Variants in RUNX1T1 observed in about 807,000 individuals in gnomAD.
The protein encoded by RUNX1T1 is RUNX1 partner transcriptional co-repressor 1.
A neutral mutation model predicts 62.8 loss-of-function variants in RUNX1T1; 4 were observed. The ratio of observed to expected loss-of-function variants is 0.06; its 90% CI spans 0.03 to 0.15. RUNX1T1 has a LOEUF of 0.15. RUNX1T1 is among the 10% of genes least tolerant of loss of function. The pLI, the probability that RUNX1T1 is intolerant of heterozygous loss-of-function variation, is 1.00. For synonymous variants in RUNX1T1, 291 were observed against 286.0 expected (o/e 1.02, Z -0.18); for missense variants, 508 against 754.3 (o/e 0.67, Z 3.82).
chr8:92,000,048 G>A (rs1056972182), intron 5 of RUNX1T1, among the ~76,000 whole-genome samples: 6 of 152,104 alleles, frequency 3.9e-5, no homozygotes, highest in African/African-American at 1.4e-4. Context: ...GCTCATGCCT[G>A]TAATCCCAGC....
exon 6 of RUNX1T1, chr8:91,991,684 G>C (rs1469295205): frequency 6.2e-7 from 1 of 1,614,064 alleles, no homozygotes; most frequent in South Asian, 1.1e-5. Flanking sequence ...CTGGGGTGTC[G>C]ATAGGAGTCC....
At chr8:91,970,241 C>T (rs954938411) in intron 10 of RUNX1T1, among the ~76,000 whole-genome samples, 1 of 152,120 alleles carries the variant, frequency 6.6e-6, no homozygotes, top group East Asian at 1.9e-4. Context: ...GGACCAATAG[C>T]TAAGGCAGTG....
At chr8:92,031,862 C>G (rs982311740) in intron 1 of RUNX1T1, among the ~76,000 whole-genome samples, 6 of 151,854 alleles carry the variant, frequency 4.0e-5, no homozygotes, top group Admixed American at 1.3e-4. Flanking sequence ...GAGGCTGAGG[C>G]GGGCGGGTCA....
chr8:92,081,483 GC>G (rs1835253624), intron 1 of RUNX1T1, among the ~76,000 whole-genome samples: 2 of 149,314 alleles, frequency 1.3e-5, no homozygotes, highest in Admixed American at 1.3e-4. Flanking sequence ...TAAGCTGCAG[GC>G]TCTAAAACAT....
chr8:92,084,464 C>T (rs1445219528), intron 1 of RUNX1T1, among the ~76,000 whole-genome samples: 1 of 152,124 alleles, frequency 6.6e-6, no homozygotes, highest in Non-Finnish European at 1.5e-5. Flanking sequence ...GCTGTTGGAA[C>T]CAAAGATTTC....
At chr8:91,983,915 C>T (rs2920465) in intron 8 of RUNX1T1, among the ~76,000 whole-genome samples, 40,126 of 152,074 alleles carry the variant, frequency 0.26, 6,024 homozygotes, top group African/African-American at 0.41. Flanking sequence ...AAAAGCACTA[C>T]TGGATGCTAA....
In RUNX1T1 at chr8:92,062,785, A is replaced by G. The variant is rs964430161; in HGVS notation, c.-233T>C. 6.0e-6 allele frequency: 9 copies of G among 1,494,840 alleles called. No homozygotes were observed. In the African/African-American group the frequency reaches 6.9e-5, roughly 12 times the overall value. The allele number at this position is 1,494,840 out of a possible 1,614,324, so 92.6% of individuals were successfully genotyped here. A position where few individuals can be genotyped will look rare whatever the true frequency, so the allele number is the denominator to read the frequency against. ...CAGAAATGTGGAGGATGACAGGAGC[A>G]CATGTGGCCTTGAACCCAGCCCTGT... On this transcript the variant is annotated 5_prime_UTR_variant, in exon 1 of 11. Transcript: ENST00000396218.
upstream of RUNX1T1, chr8:92,103,284 C>G: frequency 1.3e-5 from 3 of 224,012 alleles, no homozygotes; most frequent in East Asian, 2.0e-4. Context: ...CTCGCCCGCC[C>G]TCGCTCACTC....
intron 1 of RUNX1T1, among the ~76,000 whole-genome samples, chr8:92,077,095 T>C (rs528696299): frequency 2.0e-5 from 3 of 152,240 alleles, no homozygotes; most frequent in African/African-American, 7.2e-5. Flanking sequence ...CATATTCTGA[T>C]GTAAATAAAA....
intron 10 of RUNX1T1, among the ~76,000 whole-genome samples, chr8:91,965,477 C>T (rs992012015): frequency 6.6e-6 from 1 of 152,130 alleles, no homozygotes; most frequent in Admixed American, 6.6e-5. Context: ...TCTCATGCTG[C>T]CCCTTGTGAG....
chr8:91,968,140 G>A (rs957811353), intron 10 of RUNX1T1, among the ~76,000 whole-genome samples: 1 of 152,066 alleles, frequency 6.6e-6, no homozygotes, highest in South Asian at 2.1e-4. Flanking sequence ...GGACTTCTGG[G>A]TCCTCCTCTC....
At chr8:91,994,312 T>C (rs1818267743) in intron 5 of RUNX1T1, among the ~76,000 whole-genome samples, 1 of 152,258 alleles carries the variant, frequency 6.6e-6, no homozygotes, top group African/African-American at 2.4e-5. Flanking sequence ...TGAAACATTC[T>C]AGATACTGAT....
intron 10 of RUNX1T1, among the ~76,000 whole-genome samples, chr8:91,965,482 T>A (rs917760886): frequency 2.6e-5 from 4 of 152,160 alleles, no homozygotes; most frequent in Admixed American, 2.6e-4. Flanking sequence ...TGCTGCCCCT[T>A]GTGAGATCTT....
At chr8:92,044,282 A>G (rs1478379478) in intron 1 of RUNX1T1, among the ~76,000 whole-genome samples, 1 of 152,316 alleles carries the variant, frequency 6.6e-6, no homozygotes, top group East Asian at 1.9e-4. Context: ...AAAAGCCAAA[A>G]TTTAGTCACT....
At chr8:92,015,779 G>A (rs949860268) in intron 2 of RUNX1T1, among the ~76,000 whole-genome samples, 1 of 152,126 alleles carries the variant, frequency 6.6e-6, no homozygotes, top group African/African-American at 2.4e-5. Context: ...ACCATGTTAT[G>A]CTTAAAAGTT....
rs931463279 is a variant in RUNX1T1, at chr8:91,977,733, AT to A, written c.1199-1761del. Among the ~76,000 whole-genome samples the A allele has an allele frequency of 1.8e-4, 28 of 151,876 alleles. No individual in the cohort carries two copies. The South Asian group carries it at 4.6e-3, about 25-fold the overall frequency. ...AAAAAAACGTGACTTCAAAGTAGCAATTTTTTTTTCATTTATTGTGTTAAGA... is the reference window on the plus strand; with the variant it reads ...AAAAAAACGTGACTTCAAAGTAGCAATTTTTTTTCATTTATTGTGTTAAGA... On this transcript the variant is annotated intron_variant, in intron 8 of 10. Coordinates refer to ENST00000396218, the Ensembl canonical transcript of RUNX1T1.
chr8:91,978,196 A>T (rs1449037613), intron 8 of RUNX1T1, among the ~76,000 whole-genome samples: 1 of 152,234 alleles, frequency 6.6e-6, no homozygotes, highest in Admixed American at 6.5e-5. Context: ...CAGGCAACAT[A>T]GGCTGAAGAA....
upstream of RUNX1T1, among the ~76,000 whole-genome samples, chr8:92,102,167 G>A (rs1838067169): frequency 2.0e-5 from 3 of 152,136 alleles, no homozygotes; most frequent in African/African-American, 4.8e-5. This position sits in a 1 kb window ranked among gnomAD's most constrained non-coding sequence, Gnocchi z 4.5. Context: ...GCCCCTGACT[G>A]CGAAGCCCGG....
chr8:92,049,700 T>C (rs1045700301), intron 1 of RUNX1T1, among the ~76,000 whole-genome samples: 1 of 152,158 alleles, frequency 6.6e-6, no homozygotes, highest in African/African-American at 2.4e-5. Context: ...AACCTATATA[T>C]TCAAAAAATT....
Sources: allele counts gnomAD v4.1 joint callset (sites outside exome capture counted in the v4.1 genomes callset), GRCh38; gene constraint gnomAD v4.1.1; non-coding constraint Gnocchi (gnomAD v3.1); transcripts MANE v1.5; gene names NCBI Gene and HGNC (gene_info 2026-07-23, HGNC 2026-07-21).